COL4A4: variants seen among roughly 807,000 people sequenced by gnomAD.
The protein encoded by COL4A4 is collagen alpha-4(IV) chain.
COL4A4 carries 105 observed loss-of-function variants against 192.9 expected under a neutral mutation model. That is an observed-to-expected ratio of 0.54 (90% CI 0.46 to 0.64). The LOEUF (loss-of-function observed/expected upper bound fraction) is 0.64, where lower values mean the gene tolerates loss of function less well. Among genes scored for constraint, COL4A4 ranks in the 30% least tolerant of loss-of-function variants. The pLI is 0.00. For missense variants in COL4A4, 1,967 were observed against 2,169.3 expected (o/e 0.91, Z 1.85); for synonymous variants, 762 against 769.9 (o/e 0.99, Z 0.17).
the COL4A4 span, among the ~76,000 whole-genome samples, chr2:226,981,837 G>A: frequency 6.6e-6 from 1 of 152,182 alleles, no homozygotes; most frequent in East Asian, 1.9e-4. Context: ...GGGGTGCAGA[G>A]AGCAAGGGCT....
chr2:227,065,818 C>CT lies in COL4A4; in HGVS notation c.1988-3221dup, dbSNP rs2058298105. 3.3e-5 allele frequency among the ~76,000 whole-genome samples: 5 copies of CT among 152,338 alleles called. No homozygotes were observed. The East Asian group carries it at 9.6e-4, about 29-fold the overall frequency. On this transcript the variant is annotated intron_variant, in intron 25 of 47. Coordinates refer to ENST00000396625, the MANE Select transcript of COL4A4 (RefSeq NM_000092.5). Reference sequence around the variant, plus strand: ...CTGGAAACTCTAAAAACCAGAGCACCTCTCCTCTTCCAAAGGAACGAAGTT... The same window carrying CT: ...CTGGAAACTCTAAAAACCAGAGCACCTTCTCCTCTTCCAAAGGAACGAAGTT...
intron 35 of COL4A4, among the ~76,000 whole-genome samples, chr2:227,045,413 T>G (rs1190179790): frequency 6.6e-6 from 1 of 152,088 alleles, no homozygotes; most frequent in Non-Finnish European, 1.5e-5. Context: ...CCCATAATGC[T>G]GACCTCAAAA....
chr2:227,022,445 T>C (rs945944643), intron 43 of COL4A4: 17 of 666,600 alleles, frequency 2.6e-5, no homozygotes, highest in Non-Finnish European at 4.6e-5. Context: ...GATGCAGAAG[T>C]ATGAAACAGT....
chr2:227,057,408 C>T (rs1379946639), intron 29 of COL4A4, 31 bp downstream of exon 29: 1 of 1,576,942 alleles, frequency 6.3e-7, no homozygotes, highest in Non-Finnish European at 8.6e-7. Flanking sequence ...GTAGGGTAAG[C>T]CCCAGACCCT....
intron 7 of COL4A4, among the ~76,000 whole-genome samples, chr2:227,117,108 T>C (rs2061529414): frequency 6.6e-6 from 1 of 152,248 alleles, no homozygotes; most frequent in Non-Finnish European, 1.5e-5. Context: ...CATCAGTTGA[T>C]AAGGTTTCTT....
At chr2:227,146,138 G>C (rs2063531316) in intron 2 of COL4A4, among the ~76,000 whole-genome samples, 1 of 152,200 alleles carries the variant, frequency 6.6e-6, no homozygotes, top group Non-Finnish European at 1.5e-5. Flanking sequence ...ACTTAGAAAA[G>C]TTGGACAATA....
Position 227,059,496 on chromosome 2 carries a change from A to C in COL4A4, c.2292T>G (p.Phe764Leu), listed in dbSNP as rs904773552. ...TCTTTCCCGGGGGTCCCAGGTGACC[A>C]AATGCAGGGTCTCCCGGGATTCCTT... Reference protein sequence around the residue: ...GQKGIPGDPAFGHLGPPGKRG... With the variant: ...GQKGIPGDPALGHLGPPGKRG... The change falls in exon 28 of 48, where the codon TTT becomes TTG. Residue 764 changes from phenylalanine (F) to leucine (L), a missense_variant. Physicochemically the swap from Phe to Leu is conservative, Grantham distance 22. Coordinates refer to ENST00000396625, the MANE Select transcript of COL4A4 (RefSeq NM_000092.5). The C allele has an allele frequency of 1.2e-6, 2 of 1,614,092 alleles. No individual in the cohort carries two copies. The highest frequency in any genetic ancestry group is 1.7e-6 in the Non-Finnish European group (2 of 1,179,998).
In COL4A4 at chr2:227,147,575, A is replaced by G; in HGVS notation, c.-92T>C. On this transcript the variant is annotated 5_prime_UTR_variant, in exon 2 of 48. Transcript: ENST00000396625. Reference sequence around the variant, plus strand: ...AAGTGAGGTTCTGTGTTCTGGGTCAAAGTCTGTTCCTGTTAGATATAAATA... The same window carrying G: ...AAGTGAGGTTCTGTGTTCTGGGTCAGAGTCTGTTCCTGTTAGATATAAATA... 1 of 1,070,592 alleles carries G rather than the reference A, an allele frequency of 9.3e-7. No individual in the cohort carries two copies. Among genetic ancestry groups the G allele is most frequent in the Non-Finnish European group, 1.4e-6 (1 of 692,196 alleles). The allele number at this position is 1,070,592 out of a possible 1,614,324, so 66.3% of individuals were successfully genotyped here.
chr2:227,066,090 G>A (rs775884011), intron 25 of COL4A4, among the ~76,000 whole-genome samples: 6 of 152,200 alleles, frequency 3.9e-5, no homozygotes, highest in Non-Finnish European at 8.8e-5. Flanking sequence ...AGAAGCCTCA[G>A]GAGCCGATGC....
At chr2:226,997,196 A>G in the COL4A4 span, 1 of 152,176 alleles carries the variant, frequency 6.6e-6, no homozygotes, top group African/African-American at 2.4e-5. Flanking sequence ...ACTGATATAA[A>G]ACTACATCTT....
At chr2:227,077,767 T>C (rs2059111018) in intron 25 of COL4A4, 127 bp downstream of exon 25, 2 of 833,660 alleles carry the variant, frequency 2.4e-6, no homozygotes, top group African/African-American at 1.7e-5. Context: ...TTAGGTAAAA[T>C]GTACACTACT....
chr2:226,969,641 A>C, the COL4A4 span, among the ~76,000 whole-genome samples: 1 of 152,112 alleles, frequency 6.6e-6, no homozygotes, highest in Non-Finnish European at 1.5e-5. Flanking sequence ...CCTTTTCAGA[A>C]CTGTGTCCTA....
At chr2:227,101,098 A>G (rs564488718) in intron 17 of COL4A4, among the ~76,000 whole-genome samples, 155 of 152,138 alleles carry the variant, frequency 1.0e-3, no homozygotes, top group African/African-American at 3.1e-3. Flanking sequence ...TTGAGCCACC[A>G]CGCCCAGCCT....
At chr2:227,089,819 A>G (rs773881374) in intron 21 of COL4A4, 49 bp downstream of exon 21, 3 of 1,447,210 alleles carry the variant, frequency 2.1e-6, no homozygotes, top group Non-Finnish European at 2.9e-6. Context: ...GCCCCCGATC[A>G]TCCATGTACA....
chr2:227,055,848 G>C, intron 30 of COL4A4, 97 bp downstream of exon 30: 1 of 1,117,136 alleles, frequency 9.0e-7, no homozygotes, highest in Non-Finnish European at 1.3e-6. Context: ...CAGACTAACA[G>C]TTAACTCTTT....
chr2:227,077,935 T>A lies in COL4A4; in HGVS notation c.1946A>T (p.His649Leu). The A allele has an allele frequency of 6.2e-7, 1 of 1,613,584 alleles. No individual in the cohort carries two copies. Among genetic ancestry groups the A allele is most frequent in the South Asian group, 1.1e-5 (1 of 91,054 alleles). ...GCCATCAGGGCCCCTCACACCTGGGTGGCCTGGAACTCCTGGGTGGCCTCG... is the reference window on the plus strand; with the variant it reads ...GCCATCAGGGCCCCTCACACCTGGGAGGCCTGGAACTCCTGGGTGGCCTCG... ...GERGHPGVPG[H>L]PGVRGPDGLK... Residue 649 changes from histidine to leucine, a missense_variant, in exon 25 of 48, where the codon CAC (histidine) becomes CTC (leucine). Physicochemically the swap from His to Leu is moderately conservative, Grantham distance 99. Transcript: ENST00000396625.
At chr2:226,971,368 C>T in the COL4A4 span, among the ~76,000 whole-genome samples, 1 of 152,194 alleles carries the variant, frequency 6.6e-6, no homozygotes, top group Non-Finnish European at 1.5e-5. Flanking sequence ...GAACCCTTAG[C>T]GGGCTCATTT....
At chr2:227,120,014 A>G in intron 5 of COL4A4, 75 bp from the exon 6 acceptor site, 6 of 1,138,948 alleles carry the variant, frequency 5.3e-6, no homozygotes, top group Non-Finnish European at 6.2e-6. Context: ...AAATAGTAAC[A>G]ATTAATTACT....
chr2:227,116,792 T>G (rs1396229107), intron 7 of COL4A4, among the ~76,000 whole-genome samples: 1 of 152,118 alleles, frequency 6.6e-6, no homozygotes, highest in Non-Finnish European at 1.5e-5. Flanking sequence ...AAACTTCACA[T>G]TAAAGGAACC....
Sources: allele counts gnomAD v4.1 joint callset (sites outside exome capture counted in the v4.1 genomes callset), GRCh38; gene constraint gnomAD v4.1.1; transcripts MANE v1.5; gene names NCBI Gene and HGNC (gene_info 2026-07-23, HGNC 2026-07-21).